The following MKLN1 variants were observed in gnomAD, a reference collection of about 807,000 sequenced individuals.
MKLN1 encodes the protein muskelin.
MKLN1 carries 18 observed loss-of-function variants against 99.0 expected under a neutral mutation model. That is an observed-to-expected ratio of 0.18 (90% CI 0.13 to 0.27). The LOEUF (loss-of-function observed/expected upper bound fraction) is 0.27, where lower values mean the gene tolerates loss of function less well. Ranked by LOEUF, MKLN1 falls within the 10% of genes least tolerant of loss-of-function variation. The pLI, the probability that MKLN1 is intolerant of heterozygous loss-of-function variation, is 1.00. For synonymous variants in MKLN1, 288 were observed against 293.2 expected (o/e 0.98, Z 0.18); for missense variants, 621 against 875.9 (o/e 0.71, Z 3.67).
chr7:131,283,333 C>T (rs1798081130), intron 3 of MKLN1, among the ~76,000 whole-genome samples: 1 of 55,238 alleles, frequency 1.8e-5, no homozygotes, highest in African/African-American at 1.2e-4. Context: ...CTCCCTCCTT[C>T]CCTTCCCTTC....
intron 2 of MKLN1, among the ~76,000 whole-genome samples, chr7:131,195,419 G>C (rs1251551083): frequency 6.6e-6 from 1 of 151,916 alleles, no homozygotes; most frequent in Non-Finnish European, 1.5e-5. Context: ...GCTGAGGCAG[G>C]AGAATCGCTT....
rs1323003429 is a variant in MKLN1 at position 131,492,367 on chromosome 7, T to C, written c.*4639T>C. On this transcript the variant is annotated 3_prime_UTR_variant, in exon 18 of 18. Coordinates refer to ENST00000352689, the MANE Select transcript of MKLN1 (RefSeq NM_013255.5). ...AGTGGCTTCAGTTGCCATGAAATGATTGCTTTTCTTTTTCTTTTTTTTTCC... is the reference window on the plus strand; with the variant it reads ...AGTGGCTTCAGTTGCCATGAAATGACTGCTTTTCTTTTTCTTTTTTTTTCC... 6.6e-6 allele frequency: 1 copy of C among 152,328 alleles called. No individual in the cohort carries two copies. Among genetic ancestry groups the C allele is most frequent in the East Asian group, 1.9e-4 (1 of 5,190 alleles). The allele number at this position is 152,328 out of a possible 1,614,324, so 9.4% of individuals were successfully genotyped here. A position where few individuals can be genotyped will look rare whatever the true frequency, so the allele number is the denominator to read the frequency against.
At chr7:131,297,413 C>CTGTG (rs148107325) in intron 3 of MKLN1, among the ~76,000 whole-genome samples, 92,768 of 149,124 alleles carry the variant, frequency 0.62, 29,004 homozygotes, top group Admixed American at 0.7. Flanking sequence ...CACAAATACT[C>CTGTG]TGTGTGTGTG....
chr7:131,297,952 C>T (rs1219912350), intron 3 of MKLN1, among the ~76,000 whole-genome samples: 1 of 152,136 alleles, frequency 6.6e-6, no homozygotes, highest in Non-Finnish European at 1.5e-5. Flanking sequence ...CTTTCTTTGC[C>T]TCTTTGTGGA....
chr7:131,343,104 A>C (rs1390464874), intron 1 of MKLN1, among the ~76,000 whole-genome samples: 1 of 152,244 alleles, frequency 6.6e-6, no homozygotes, highest in African/African-American at 2.4e-5. Context: ...GGTAAGGCTT[A>C]AGGGGAGACT....
chr7:131,251,820 C>T (rs1046227462), intron 3 of MKLN1, among the ~76,000 whole-genome samples: 1 of 151,966 alleles, frequency 6.6e-6, no homozygotes, highest in South Asian at 2.1e-4. Flanking sequence ...CAGGCACATG[C>T]CACCATGCCC....
chr7:131,417,746 G>C (rs960184627), intron 8 of MKLN1, among the ~76,000 whole-genome samples: 7 of 152,230 alleles, frequency 4.6e-5, no homozygotes, highest in African/African-American at 1.7e-4. Context: ...ACAGAAATAG[G>C]GATAGAAGTG....
At chr7:131,453,229 T>C (rs887292276) in intron 12 of MKLN1, among the ~76,000 whole-genome samples, 1 of 152,184 alleles carries the variant, frequency 6.6e-6, no homozygotes, top group African/African-American at 2.4e-5. Context: ...AAAACAAACA[T>C]GCAAGAACAC....
intron 2 of MKLN1, among the ~76,000 whole-genome samples, chr7:131,386,191 T>C (rs535809846): frequency 6.6e-6 from 1 of 152,186 alleles, no homozygotes; most frequent in African/African-American, 2.4e-5. Context: ...TTTTTGTATT[T>C]TTAGTAAAAA....
chr7:131,396,928 A>T (rs1794378867), intron 4 of MKLN1, among the ~76,000 whole-genome samples: 1 of 152,166 alleles, frequency 6.6e-6, no homozygotes, highest in South Asian at 2.1e-4. Flanking sequence ...CAGTGTTCTG[A>T]TGTAGACTAA....
At chr7:131,400,518 A>AAAAATATATATAT (rs527702723) in intron 6 of MKLN1, among the ~76,000 whole-genome samples, 19 of 137,430 alleles carry the variant, frequency 1.4e-4, no homozygotes, top group South Asian at 9.1e-4. Flanking sequence ...ATAAAAAAAA[A>AAAAATATATATAT]ATATATATAT....
intron 1 of MKLN1, among the ~76,000 whole-genome samples, chr7:131,340,660 T>C (rs908359532): frequency 6.6e-6 from 1 of 152,200 alleles, no homozygotes; most frequent in Non-Finnish European, 1.5e-5. Context: ...ATAGAATGTA[T>C]GGAATTTTCC....
chr7:131,341,746 A>G (rs1450803800), intron 1 of MKLN1, among the ~76,000 whole-genome samples: 1 of 152,246 alleles, frequency 6.6e-6, no homozygotes, highest in Non-Finnish European at 1.5e-5. Context: ...AACAGCAACA[A>G]CAACAGTGAT....
At chr7:131,351,179 T>A (rs985538870) in intron 1 of MKLN1, among the ~76,000 whole-genome samples, 2 of 151,870 alleles carry the variant, frequency 1.3e-5, no homozygotes, top group Admixed American at 1.3e-4. Flanking sequence ...GTCCAGGAGG[T>A]CGAGGCTGCA....
At chr7:131,381,163 A>C (rs1793836120) in intron 2 of MKLN1, among the ~76,000 whole-genome samples, 1 of 152,214 alleles carries the variant, frequency 6.6e-6, no homozygotes, top group African/African-American at 2.4e-5. Context: ...CATATCATTT[A>C]CTTAAACTAC....
chr7:131,198,477 C>G (rs1026524405), intron 2 of MKLN1, among the ~76,000 whole-genome samples: 3 of 152,120 alleles, frequency 2.0e-5, no homozygotes, highest in South Asian at 2.1e-4. Flanking sequence ...CAGCAGGATT[C>G]TGAAACAACT....
intron 8 of MKLN1, among the ~76,000 whole-genome samples, chr7:131,427,928 C>T (rs1795405979): frequency 6.6e-6 from 1 of 152,008 alleles, no homozygotes. Context: ...CTTTGGGAGG[C>T]TGAGGTGGGA....
At chr7:131,125,323 A>G (rs1795437024) in intron 1 of MKLN1, among the ~76,000 whole-genome samples, 2 of 152,224 alleles carry the variant, frequency 1.3e-5, no homozygotes, top group African/African-American at 4.8e-5. Flanking sequence ...CAGCTAAGAA[A>G]AATATGTTGG....
intron 7 of MKLN1, among the ~76,000 whole-genome samples, chr7:131,414,186 A>G (rs1164132227): frequency 1.3e-5 from 2 of 152,232 alleles, no homozygotes; most frequent in South Asian, 2.1e-4. Flanking sequence ...TATCATTAAT[A>G]TAAAACTTGA....
Sources: gnomAD v4.1 joint callset for allele counts (sites outside exome capture counted in the v4.1 genomes callset) on GRCh38, gnomAD v4.1.1 for gene constraint, MANE v1.5 for transcripts, NCBI Gene and HGNC (gene_info 2026-07-23, HGNC 2026-07-21) for gene names.